Variants in GLRA2 observed in about 807,000 individuals in gnomAD.
GLRA2 encodes the protein glycine receptor alpha 2.
GLRA2 carries 11 observed loss-of-function variants against 31.6 expected under a neutral mutation model. The observed-to-expected ratio is 0.35, with a 90% confidence interval of 0.22 to 0.58. The LOEUF (loss-of-function observed/expected upper bound fraction) is 0.58, where lower values mean the gene tolerates loss of function less well. Ranked by LOEUF, GLRA2 falls within the 20% of genes least tolerant of loss-of-function variation. The pLI is 0.84. For missense variants in GLRA2, 212 were observed against 351.8 expected, an observed-to-expected ratio of 0.60 and a Z score of 3.18; for synonymous variants, 132 against 134.0, an observed-to-expected ratio of 0.99 and a Z score of 0.10.
chrX:14,545,263 C>T (rs1319829187), intron 2 of GLRA2, among the ~76,000 whole-genome samples: 1 of 111,384 alleles, frequency 9.0e-6, no homozygotes, highest in Non-Finnish European at 1.9e-5. Flanking sequence ...GAGGAGTCTG[C>T]ATCTGGCGAG....
intron 7 of GLRA2, among the ~76,000 whole-genome samples, chrX:14,649,166 A>G (rs969934423): frequency 3.6e-5 from 4 of 110,173 alleles, no homozygotes; most frequent in Non-Finnish European, 7.6e-5. Context: ...GTGAGCCGAG[A>G]TCGCGCCACT....
Position 14,573,520 on chromosome X carries a change from A to C in GLRA2, c.203-813A>C, listed in dbSNP as rs150827341. ...AGAAAGCATTAGGAGAAAATTCCAC[A>C]AAGGCAATAAATATCTTCCCCAGCA... is the stretch of plus-strand genomic sequence containing the variant. On this transcript the variant is annotated intron_variant, in intron 2 of 8. Coordinates refer to ENST00000218075, the MANE Select transcript of GLRA2 (RefSeq NM_002063.4). Among the ~76,000 whole-genome samples, 10 of 111,505 alleles carry C rather than the reference A, an allele frequency of 9.0e-5. No homozygotes were observed. The East Asian group carries it at 2.5e-3, about 28-fold the overall frequency.
intron 4 of GLRA2, among the ~76,000 whole-genome samples, chrX:14,583,962 C>T (rs759558261): frequency 1.3e-4 from 14 of 111,060 alleles, no homozygotes; most frequent in Non-Finnish European, 2.5e-4. Context: ...GCAGTACAAA[C>T]GCTGCATGTT....
At chrX:14,663,899 G>A (rs2091015246) in intron 7 of GLRA2, among the ~76,000 whole-genome samples, 1 of 110,935 alleles carries the variant, frequency 9.0e-6, no homozygotes, top group Non-Finnish European at 1.9e-5. Context: ...AGTCTCTTAA[G>A]AGTCTTTTAA....
At chrX:14,575,328 G>A (rs2089942253) in intron 3 of GLRA2, among the ~76,000 whole-genome samples, 1 of 109,905 alleles carries the variant, frequency 9.1e-6, no homozygotes, top group Admixed American at 9.8e-5. Context: ...AGCCTCCTGA[G>A]TAGCTGGGAT....
At chrX:14,513,556 A>G in the GLRA2 span, among the ~76,000 whole-genome samples, 1 of 111,824 alleles carries the variant, frequency 8.9e-6, no homozygotes, top group African/African-American at 3.3e-5. Flanking sequence ...AGGAACTAAA[A>G]CAAATTAGCA....
chrX:14,455,720 C>G, the GLRA2 span, among the ~76,000 whole-genome samples: 1 of 111,599 alleles, frequency 9.0e-6, no homozygotes, highest in Non-Finnish European at 1.9e-5. Context: ...TCACTACTTA[C>G]GAATCATTTT....
the GLRA2 span, among the ~76,000 whole-genome samples, chrX:14,522,256 T>C: frequency 1.8e-5 from 2 of 112,570 alleles, no homozygotes; most frequent in Admixed American, 1.9e-4. Context: ...CTTGCTTTGC[T>C]TATCCATAAG....
intron 8 of GLRA2, among the ~76,000 whole-genome samples, chrX:14,693,879 T>A (rs2091401667): frequency 8.9e-6 from 1 of 111,979 alleles, no homozygotes; most frequent in Non-Finnish European, 1.9e-5. Context: ...ATATTTTGAA[T>A]TGAAAGATAA....
the GLRA2 span, among the ~76,000 whole-genome samples, chrX:14,469,447 A>G: frequency 3.7e-5 from 4 of 108,738 alleles, no homozygotes; most frequent in African/African-American, 1.0e-4. Context: ...AACCAACCCA[A>G]ATGTCCAACA....
the GLRA2 span, among the ~76,000 whole-genome samples, chrX:14,495,762 A>C: frequency 9.1e-6 from 1 of 110,084 alleles, no homozygotes; most frequent in Non-Finnish European, 1.9e-5. Flanking sequence ...TTTATAGATA[A>C]GAATCTAAGG....
the GLRA2 span, among the ~76,000 whole-genome samples, chrX:14,477,758 G>A: frequency 6.3e-5 from 7 of 110,815 alleles, no homozygotes; most frequent in Non-Finnish European, 1.1e-4. Flanking sequence ...TAGATCTCCC[G>A]AAAGTAATGC....
chrX:14,616,141 A>G (rs1166235142), intron 7 of GLRA2, among the ~76,000 whole-genome samples: 3 of 112,019 alleles, frequency 2.7e-5, no homozygotes, highest in Admixed American at 9.5e-5. Context: ...GGAAGATGGA[A>G]GACTGAGACA....
intron 4 of GLRA2, among the ~76,000 whole-genome samples, chrX:14,595,711 C>T (rs910806841): frequency 1.8e-5 from 2 of 111,310 alleles, no homozygotes; most frequent in Non-Finnish European, 3.8e-5. Context: ...CTGCTCTACC[C>T]GATCACTGTG....
At chrX:14,506,574 C>G in the GLRA2 span, among the ~76,000 whole-genome samples, 1 of 112,047 alleles carries the variant, frequency 8.9e-6, no homozygotes, top group African/African-American at 3.2e-5. Flanking sequence ...CCAAAGGCCT[C>G]TTTTCTCCTT....
intron 2 of GLRA2, among the ~76,000 whole-genome samples, chrX:14,541,233 T>C (rs999725569): frequency 9.0e-6 from 1 of 111,171 alleles, no homozygotes; most frequent in Non-Finnish European, 1.9e-5. Context: ...CTGCTCTGCA[T>C]AGACCTTGAG....
chrX:14,685,707 TTTC>T (rs773321839), intron 7 of GLRA2, among the ~76,000 whole-genome samples: 6 of 111,940 alleles, frequency 5.4e-5, no homozygotes, highest in Non-Finnish European at 1.1e-4. Context: ...TCTTCTCTCT[TTTC>T]TTCTTAGTCT....
intron 7 of GLRA2, among the ~76,000 whole-genome samples, chrX:14,618,018 C>G (rs2090472757): frequency 8.9e-6 from 1 of 111,957 alleles, no homozygotes; most frequent in South Asian, 3.7e-4. Context: ...CTGATATTAA[C>G]TTTAGTGTCC....
intron 2 of GLRA2, among the ~76,000 whole-genome samples, chrX:14,557,326 A>G (rs1289149809): frequency 2.7e-5 from 3 of 109,646 alleles, no homozygotes; most frequent in Non-Finnish European, 5.7e-5. Flanking sequence ...CATGTTAGCC[A>G]GGGTGGTCTT....
Sources: allele counts gnomAD v4.1 joint callset (sites outside exome capture counted in the v4.1 genomes callset), GRCh38; gene constraint gnomAD v4.1.1; transcripts MANE v1.5; gene names NCBI Gene and HGNC (gene_info 2026-07-23, HGNC 2026-07-21).